Variants in ARFGEF1 observed in about 807,000 individuals in gnomAD.
ARFGEF1 encodes the protein ARF guanine nucleotide exchange factor 1.
ARFGEF1 carries 42 observed loss-of-function variants against 231.0 expected under a neutral mutation model. That is an observed-to-expected ratio of 0.18 (90% CI 0.14 to 0.24). The LOEUF is 0.24. Ranked by LOEUF, ARFGEF1 falls within the 10% of genes least tolerant of loss-of-function variation. ARFGEF1 has a pLI of 1.00. For missense variants in ARFGEF1, 1,345 were observed against 2,192.0 expected (o/e 0.61, Z 7.72); for synonymous variants, 710 against 732.3 (o/e 0.97, Z 0.49).
At chr8:67,247,598 G>GC (rs1288633074) in intron 19 of ARFGEF1, among the ~76,000 whole-genome samples, 2 of 150,444 alleles carry the variant, frequency 1.3e-5, no homozygotes, top group Non-Finnish European at 3.0e-5. Flanking sequence ...ACAGACCACA[G>GC]CTAGTATTGT....
intron 29 of ARFGEF1, among the ~76,000 whole-genome samples, chr8:67,221,891 G>C (rs190764883): frequency 6.6e-6 from 1 of 150,438 alleles, no homozygotes; most frequent in Admixed American, 6.6e-5. Flanking sequence ...TCTGCTCACT[G>C]CAAGCTCCAC....
chr8:67,322,033 A>G (rs1333464209), intron 1 of ARFGEF1, among the ~76,000 whole-genome samples: 4 of 152,144 alleles, frequency 2.6e-5, no homozygotes, highest in Admixed American at 6.5e-5. Flanking sequence ...ATCCCCTGTA[A>G]AGATCTGCCA....
chr8:67,271,130 A>G (rs1460541224), intron 10 of ARFGEF1, among the ~76,000 whole-genome samples: 1 of 151,764 alleles, frequency 6.6e-6, no homozygotes, highest in Non-Finnish European at 1.5e-5. Context: ...AGTTCTACTA[A>G]ATCTCTGACA....
At chr8:67,319,091 T>C (rs1807458743) in intron 1 of ARFGEF1, among the ~76,000 whole-genome samples, 1 of 151,960 alleles carries the variant, frequency 6.6e-6, no homozygotes, top group Non-Finnish European at 1.5e-5. Flanking sequence ...ATCAAAGAAC[T>C]AAAAAACAAT....
At position 67,277,437 on chromosome 8, in the gene ARFGEF1, T is replaced by C; in HGVS notation, c.1048A>G (p.Ile350Val). The part of the protein sequence containing the change: ...VVGDMGEGTT[I>V]NASADGNIGT... ...ATGTTGCCATCTGCACTTGCATTTA[T>C]AGTAGTCCCTTCTCCCATATCTAAA... The change falls in exon 8 of 39, where the codon ATA (isoleucine) becomes GTA (valine). Residue 350 changes from isoleucine to valine, a missense_variant. By Grantham distance (29) the Ile-to-Val change is conservative. This residue lies in a region of ARFGEF1 where 398 missense variants were observed against 463.2 expected (regional missense o/e 0.86). Coordinates refer to ENST00000262215, the MANE Select transcript of ARFGEF1 (RefSeq NM_006421.5). 2.5e-6 allele frequency: 4 copies of C among 1,613,448 alleles called. No homozygotes were observed. Among genetic ancestry groups the C allele is most frequent in the Admixed American group, 1.7e-5 (1 of 59,990 alleles).
intron 33 of ARFGEF1, among the ~76,000 whole-genome samples, chr8:67,215,712 T>C (rs1012345407): frequency 9.2e-5 from 14 of 152,132 alleles, no homozygotes; most frequent in Non-Finnish European, 1.5e-5. Flanking sequence ...CTTAGAGCCT[T>C]TGGAGGGAAT....
chr8:67,215,853 G>C (rs1211309394), intron 33 of ARFGEF1, among the ~76,000 whole-genome samples: 2 of 152,194 alleles, frequency 1.3e-5, no homozygotes, highest in Non-Finnish European at 2.9e-5. Flanking sequence ...TACACTGGGT[G>C]AAGTGAATGT....
Position 67,296,729 on chromosome 8 carries a change from C to A in ARFGEF1, c.460-119G>T, listed in dbSNP as rs997331023. The A allele has an allele frequency of 9.7e-6, 7 of 723,678 alleles. No individual in the cohort carries two copies. The East Asian group carries it at 1.1e-4, about 12-fold the overall frequency. The allele number at this position is 723,678 out of a possible 1,614,324, so 44.8% of individuals were successfully genotyped here. A position where few individuals can be genotyped will look rare whatever the true frequency, so the allele number is the denominator to read the frequency against. ...GCAGTAGTGTGATCATAGTTCACTG[C>A]AGCCTTGAACTCCTGGACTTAAGTG... On this transcript the variant is annotated intron_variant, in intron 4 of 38. Transcript: ENST00000262215.
At chr8:67,272,034 T>A in intron 9 of ARFGEF1, 98 bp from the exon 10 acceptor site, 1 of 719,360 alleles carries the variant, frequency 1.4e-6, no homozygotes, top group Non-Finnish European at 2.3e-6. Context: ...ATAATCATAA[T>A]TTCATAAACT....
intron 29 of ARFGEF1, among the ~76,000 whole-genome samples, chr8:67,224,342 G>A (rs76023679): frequency 0.015 from 2,303 of 152,214 alleles, 64 homozygotes; most frequent in African/African-American, 0.053. Context: ...TAAGAACAGT[G>A]TGTTAGCATT....
At chr8:67,214,387 T>C (rs1272649430) in intron 33 of ARFGEF1, among the ~76,000 whole-genome samples, 1 of 152,192 alleles carries the variant, frequency 6.6e-6, no homozygotes, top group Non-Finnish European at 1.5e-5. Context: ...GTGCTGAAGG[T>C]GTGGCCTGGT....
chr8:67,253,393 T>G, intron 18 of ARFGEF1, 58 bp downstream of exon 18: 2 of 1,293,012 alleles, frequency 1.5e-6, no homozygotes, highest in Non-Finnish European at 2.1e-6. Context: ...TGAAAAACTC[T>G]TAGGAACCCA....
chr8:67,190,798 G>A (rs781162382), intron 5 of ARFGEF1: 1 of 1,432,324 alleles, frequency 7.0e-7, no homozygotes, highest in Non-Finnish European at 9.9e-7. Context: ...CAACTTAGAA[G>A]AATGAGAGGT....
At position 67,343,683 on chromosome 8, in the gene ARFGEF1, A is replaced by G. The variant is rs1379081412; in HGVS notation, c.-396T>C. ...GCGGCTCTCAGAGGCACCGCGAGAG[A>G]AGGGCTACCCTGGCTACTGTGGGGA... On this transcript the variant is annotated 5_prime_UTR_variant, in exon 1 of 39. Transcript: ENST00000262215. The G allele has an allele frequency of 1.1e-6, 1 of 888,506 alleles. No homozygotes were observed. Among genetic ancestry groups the G allele is most frequent in the Admixed American group, 6.0e-5 (1 of 16,634 alleles). 55.0% of individuals were successfully genotyped at this position (888,506 alleles called of 1,614,324 possible). A position where few individuals can be genotyped will look rare whatever the true frequency, so the allele number is the denominator to read the frequency against.
At chr8:67,212,435 GA>G (rs372482979) in intron 33 of ARFGEF1, among the ~76,000 whole-genome samples, 87 of 152,346 alleles carry the variant, frequency 5.7e-4, no homozygotes, top group African/African-American at 1.9e-3. Context: ...TTAATTTCCT[GA>G]GGTGAGGTTT....
intron 5 of ARFGEF1, chr8:67,190,713 C>T (rs761602177): frequency 1.2e-6 from 2 of 1,614,092 alleles, no homozygotes; most frequent in Non-Finnish European, 1.7e-6. Flanking sequence ...TCACAGTTGC[C>T]CTCTGCACGG....
At chr8:67,190,813 GTTCTGA>G in intron 5 of ARFGEF1, 1 of 1,263,140 alleles carries the variant, frequency 7.9e-7, no homozygotes, top group Non-Finnish European at 1.2e-6. Flanking sequence ...AGAGGTCTGG[GTTCTGA>G]CCTGTGCTAA....
At chr8:67,191,469 C>G (rs1836224880) in intron 5 of ARFGEF1, among the ~76,000 whole-genome samples, 1 of 152,220 alleles carries the variant, frequency 6.6e-6, no homozygotes, top group South Asian at 2.1e-4. Flanking sequence ...AGGCAACCAC[C>G]AGTCTACTTT....
chr8:67,222,241 ATGTATG>A (rs1839217589), intron 29 of ARFGEF1, among the ~76,000 whole-genome samples: 2 of 135,826 alleles, frequency 1.5e-5, no homozygotes, highest in African/African-American at 5.5e-5. Flanking sequence ...GTATGTATGT[ATGTATG>A]TATGTATGTA....
Sources: allele counts gnomAD v4.1 joint callset (sites outside exome capture counted in the v4.1 genomes callset), GRCh38; gene constraint gnomAD v4.1.1; regional missense constraint gnomAD v4.1.1; transcripts MANE v1.5; gene names NCBI Gene and HGNC (gene_info 2026-07-23, HGNC 2026-07-21).